Variants in CNIH3 observed in about 807,000 individuals in gnomAD.
CNIH3 encodes the protein cornichon family AMPA receptor auxiliary protein 3.
Under a neutral mutation model 24.1 loss-of-function variants are expected in CNIH3, and 14 were observed. The observed-to-expected ratio is 0.58, with a 90% CI of 0.38 to 0.91. CNIH3 has a LOEUF of 0.91. Ranked by LOEUF, CNIH3 falls within the 40% of genes least tolerant of loss-of-function variation. The pLI, the probability that CNIH3 is intolerant of heterozygous loss-of-function variation, is 0.00. For missense variants in CNIH3, 178 were observed against 196.8 expected (o/e 0.90, Z 0.57); for synonymous variants, 68 against 73.8 (o/e 0.92, Z 0.40).
chr1:224,529,283 C>T (rs1459576255), intron 2 of CNIH3: 2 of 152,250 alleles, frequency 1.3e-5, no homozygotes, highest in Non-Finnish European at 2.9e-5. Flanking sequence ...CAATCTGTGT[C>T]AGCCTGGCAG....
At chr1:224,626,815 C>T (rs1683557770) in intron 1 of CNIH3, among the ~76,000 whole-genome samples, 1 of 152,180 alleles carries the variant, frequency 6.6e-6, no homozygotes, top group Non-Finnish European at 1.5e-5. Flanking sequence ...GTAGATATGT[C>T]TATTTATTCT....
rs1553294819 is a variant in CNIH3 at position 224,705,855 on chromosome 1, T to TTC, written c.198+21013_198+21014insCT. 9.4e-4 allele frequency among the ~76,000 whole-genome samples: 103 copies of TTC among 109,384 alleles called. 3 individuals are homozygous for TTC. Among genetic ancestry groups the TTC allele is most frequent in the Middle Eastern group, 5.6e-3 (1 of 178 alleles). The allele number at this position is 109,384 out of a possible 152,430, so 71.8% of individuals were successfully genotyped here. ...TTCTTTTCTCTCTTTCTTTTCTTTTTTTTCTTTTTTTTTTTTTTTGAGCTG... is the reference window on the plus strand; with the variant it reads ...TTCTTTTCTCTCTTTCTTTTCTTTTTTCTTTCTTTTTTTTTTTTTTTGAGCTG... On this transcript the variant is annotated intron_variant, in intron 3 of 5. Coordinates refer to ENST00000272133, the MANE Select transcript of CNIH3 (RefSeq NM_152495.2).
chr1:224,718,635 C>T (rs929236399), intron 3 of CNIH3, among the ~76,000 whole-genome samples: 4 of 151,898 alleles, frequency 2.6e-5, no homozygotes, highest in African/African-American at 4.8e-5. Flanking sequence ...TAGGAGGAGA[C>T]GGGTGGCTCT....
chr1:224,554,602 G>T (rs944715788), intron 3 of CNIH3, among the ~76,000 whole-genome samples: 2 of 150,466 alleles, frequency 1.3e-5, no homozygotes, highest in South Asian at 4.2e-4. Context: ...TTGTTGTTTC[G>T]AGTCAGGGTC....
At chr1:224,629,333 T>C (rs1435386470) in intron 1 of CNIH3, among the ~76,000 whole-genome samples, 3 of 152,168 alleles carry the variant, frequency 2.0e-5, no homozygotes, top group Admixed American at 6.5e-5. Flanking sequence ...ATGTATTTGA[T>C]TGATAACCTC....
chr1:224,547,679 G>T (rs1679755197), intron 3 of CNIH3, among the ~76,000 whole-genome samples: 1 of 151,856 alleles, frequency 6.6e-6, no homozygotes, highest in South Asian at 2.1e-4. Context: ...ATTACAGTGG[G>T]TGTACACCCC....
chr1:224,689,519 C>T (rs751889894), intron 3 of CNIH3, among the ~76,000 whole-genome samples: 26 of 152,188 alleles, frequency 1.7e-4, no homozygotes, highest in Non-Finnish European at 2.2e-4. Context: ...TCCTCCCTCC[C>T]GTCTCTCTCG....
chr1:224,469,754 A>G (rs915266505), intron 1 of CNIH3, among the ~76,000 whole-genome samples: 2 of 152,204 alleles, frequency 1.3e-5, no homozygotes, highest in Non-Finnish European at 2.9e-5. Context: ...CATAAATAAT[A>G]GGAAAAACAT....
intron 3 of CNIH3, among the ~76,000 whole-genome samples, chr1:224,695,262 G>A (rs1445027230): frequency 2.0e-5 from 3 of 151,968 alleles, no homozygotes; most frequent in Non-Finnish European, 4.4e-5. Flanking sequence ...TGACTCTTCC[G>A]TGGGTCTCTG....
chr1:224,583,073 A>G (rs928404295), intron 4 of CNIH3: 1 of 152,186 alleles, frequency 6.6e-6, no homozygotes, highest in Admixed American at 6.5e-5. Context: ...TTGTAAAAAC[A>G]TTACATTTTA....
chr1:224,437,856 C>G (rs987776057), intron 1 of CNIH3, among the ~76,000 whole-genome samples: 5 of 151,828 alleles, frequency 3.3e-5, no homozygotes, highest in Non-Finnish European at 7.4e-5. Flanking sequence ...TAGAAGGCAA[C>G]TCAAGAAATA....
At chr1:224,549,490 A>T (rs532900557) in intron 3 of CNIH3, among the ~76,000 whole-genome samples, 1 of 152,258 alleles carries the variant, frequency 6.6e-6, no homozygotes, top group East Asian at 1.9e-4. Context: ...TGTTACAGAC[A>T]AATGAGAGTG....
intron 5 of CNIH3, among the ~76,000 whole-genome samples, chr1:224,586,767 C>A (rs1021063921): frequency 6.6e-6 from 1 of 152,102 alleles, no homozygotes; most frequent in African/African-American, 2.4e-5. Context: ...GGCCCTAAAT[C>A]CAATGACTGG....
chr1:224,708,503 G>C (rs1310812120), intron 3 of CNIH3, among the ~76,000 whole-genome samples: 1 of 152,072 alleles, frequency 6.6e-6, no homozygotes, highest in Non-Finnish European at 1.5e-5. Flanking sequence ...TGCACTCCCC[G>C]CCTGCGCTTC....
intron 1 of CNIH3, among the ~76,000 whole-genome samples, chr1:224,617,946 C>G (rs1440042721): frequency 6.6e-6 from 1 of 152,218 alleles, no homozygotes; most frequent in African/African-American, 2.4e-5. Flanking sequence ...AGTCCGACTC[C>G]TGAAGACCCC....
intron 4 of CNIH3, among the ~76,000 whole-genome samples, chr1:224,579,297 C>T (rs1201643431): frequency 6.6e-6 from 1 of 152,122 alleles, no homozygotes; most frequent in Non-Finnish European, 1.5e-5. Context: ...AGGTTTTCCT[C>T]AAATGCCGCA....
At chr1:224,672,714 G>A (rs914543123) in intron 1 of CNIH3, among the ~76,000 whole-genome samples, 18 of 152,114 alleles carry the variant, frequency 1.2e-4, no homozygotes, top group African/African-American at 2.9e-4. Context: ...TTCTAAATAA[G>A]GTCACATTCT....
intron 1 of CNIH3, among the ~76,000 whole-genome samples, chr1:224,469,239 C>A (rs1330457045): frequency 6.6e-6 from 1 of 152,008 alleles, no homozygotes; most frequent in East Asian, 1.9e-4. Flanking sequence ...TGCCACCATG[C>A]CCAGCTAATT....
chr1:224,629,324 T>C (rs1385557632), intron 1 of CNIH3, among the ~76,000 whole-genome samples: 1 of 152,044 alleles, frequency 6.6e-6, no homozygotes, highest in Non-Finnish European at 1.5e-5. Flanking sequence ...ATATCTTAAA[T>C]GTATTTGATT....
Sources: allele counts gnomAD v4.1 joint callset (sites outside exome capture counted in the v4.1 genomes callset), GRCh38; gene constraint gnomAD v4.1.1; transcripts MANE v1.5; gene names NCBI Gene and HGNC (gene_info 2026-07-23, HGNC 2026-07-21).